Variants in PSG4 observed in about 807,000 individuals in gnomAD.
PSG4 encodes pregnancy-specific beta-1-glycoprotein 4.
In PSG4, 61 loss-of-function variants were observed where a neutral mutation model predicts 44.3. The observed-to-expected ratio is 1.38, with a 90% CI of 1.12 to 1.70. The LOEUF (loss-of-function observed/expected upper bound fraction) is 1.70. Ranked by LOEUF, PSG4 falls within the 40% of genes most tolerant of loss-of-function variation. The probability of loss-of-function intolerance (pLI) is 0.00; values close to 1 mark genes in which losing one functional copy is unlikely to be tolerated. For synonymous variants in PSG4, 248 were observed against 191.3 expected (o/e 1.30, Z -2.45); for missense variants, 677 against 511.7 (o/e 1.32, Z -3.12).
chr19:43,204,838 C>T lies in PSG4; in HGVS notation c.65-587G>A, dbSNP rs752617927. ...CCCTCTGGATGTTTCTTTTTCCCCC[C>T]AATTGTTGAGGTTTCTTGCTGAGGA... On this transcript the variant is annotated intron_variant, in intron 1 of 5. Transcript: ENST00000405312. The T allele has an allele frequency of 1.4e-5, 6 of 425,958 alleles. 2 individuals carry two copies. Among genetic ancestry groups the T allele is most frequent in the South Asian group, 1.0e-4 (6 of 58,522 alleles). The allele number at this position is 425,958 out of a possible 1,614,324, so 26.4% of individuals were successfully genotyped here.
chr19:43,204,912 T>C (rs769976622), intron 1 of PSG4: 1 of 351,872 alleles, frequency 2.8e-6, no homozygotes, highest in Non-Finnish European at 5.5e-6. Flanking sequence ...TCATCTGATA[T>C]AGTTATTGTT....
At chr19:43,193,439 A>T in intron 5 of PSG4, 51 bp from the exon 6 acceptor site, 2 of 765,156 alleles carry the variant, frequency 2.6e-6, no homozygotes, top group Non-Finnish European at 4.8e-6. Flanking sequence ...CTGCAATCTC[A>T]TAACCGGTGT....
intron 1 of PSG4, 168 bp from the exon 2 acceptor site, chr19:43,204,419 G>C: frequency 1.1e-6 from 1 of 940,738 alleles, no homozygotes; most frequent in Non-Finnish European, 1.5e-6. Flanking sequence ...GTGTCCTACT[G>C]TCCCACTAGG....
intron 3 of PSG4, among the ~76,000 whole-genome samples, chr19:43,197,291 A>G (rs1967292398): frequency 6.9e-6 from 1 of 145,512 alleles, no homozygotes; most frequent in Non-Finnish European, 1.5e-5. Context: ...CCTGATAGCT[A>G]GATAGACTTC....
Position 43,194,322 on chromosome 19 carries a change from A to G in PSG4, c.1243+18T>C. On this transcript the variant is annotated intron_variant, in intron 5 of 5. Transcript: ENST00000405312. ...TCCACCTAAATCCCTATTGCCAAGG[A>G]TGCTGGGATCCACTTACCAGAGACT... 1 of 1,612,104 alleles carries G rather than the reference A, an allele frequency of 6.2e-7. No homozygotes were observed. Among genetic ancestry groups the G allele is most frequent in the Non-Finnish European group, 8.5e-7 (1 of 1,179,006 alleles).
At chr19:43,193,601 A>G (rs535382766) in intron 5 of PSG4, 22 of 598,862 alleles carry the variant, frequency 3.7e-5, no homozygotes, top group South Asian at 2.9e-4. Flanking sequence ...AAGAGTAGCA[A>G]TAGACCATGT....
chr19:43,199,395 A>G (rs566447386), intron 2 of PSG4, among the ~76,000 whole-genome samples: 2 of 145,700 alleles, frequency 1.4e-5, no homozygotes, highest in East Asian at 4.7e-4. Flanking sequence ...GATCTCCTGT[A>G]CAGCTTCATG....
Position 43,205,130 on chromosome 19 carries a change from C to T in PSG4, c.64+343G>A, listed in dbSNP as rs1476572592. On this transcript the variant is annotated intron_variant, in intron 1 of 5. Transcript: ENST00000405312. The stretch of plus-strand genomic sequence containing the variant: ...TTTTTTCTTTTTTTTTTTTTTGAGA[C>T]GGAGTCTCGTCCTGTCACCCAGGCT... 6.8e-4 allele frequency among the ~76,000 whole-genome samples: 16 copies of T among 23,372 alleles called. 1 individual carries two copies. Among genetic ancestry groups the T allele is most frequent in the South Asian group, 1.7e-3 (1 of 594 alleles). The allele number at this position is 23,372 out of a possible 152,430, so 15.3% of individuals were successfully genotyped here.
Position 43,203,982 on chromosome 19 carries a change from C to A in PSG4, c.334G>T (p.Val112Phe). 1 of 1,587,982 alleles carries A rather than the reference C, an allele frequency of 6.3e-7. No individual in the cohort carries two copies. The highest frequency in any genetic ancestry group is 8.5e-7 in the Non-Finnish European group (1 of 1,171,738). ...YSNASLLIQN[V>F]TQEDAGSYTL... The stretch of plus-strand genomic sequence containing the variant: ...TAGGATCCTGCATCCTCCTGCGTGA[C>A]ATTCTGGATCAGCAGGGATGCATTG... Residue 112 changes from valine to phenylalanine, a missense_variant, in exon 2 of 6, where the codon GTC becomes TTC. Transcript: ENST00000405312.
At chr19:43,203,842 G>A (rs755317973) in intron 2 of PSG4, 44 bp downstream of exon 2, 1 of 1,567,052 alleles carries the variant, frequency 6.4e-7, no homozygotes, top group Non-Finnish European at 8.6e-7. Context: ...AAGTAGAAGT[G>A]ACCCCTGTCC....
chr19:43,192,878 C>G lies in PSG4; in HGVS notation c.*494G>C, dbSNP rs1599762746. The G allele has an allele frequency of 3.3e-6, 1 of 301,226 alleles. No homozygotes were observed. The highest frequency in any genetic ancestry group is 2.1e-5 in the African/African-American group (1 of 46,994). 18.7% of individuals were successfully genotyped at this position (301,226 alleles called of 1,614,324 possible). On this transcript the variant is annotated 3_prime_UTR_variant, in exon 6 of 6. Coordinates refer to ENST00000405312, the MANE Select transcript of PSG4 (RefSeq NM_002780.5). ...ACCATCTTCTCTGCAAACACACAGGCAATATCTCTGTGTTCATTTCTATTG... is the reference window on the plus strand; with the variant it reads ...ACCATCTTCTCTGCAAACACACAGGGAATATCTCTGTGTTCATTTCTATTG...
In PSG4 at chr19:43,205,487, C is replaced by G. The variant is rs755242696; in HGVS notation, c.50G>C (p.Gly17Ala). ...TCTCTCCTCACCTGTGAGCAGGACCCCCTTCCAGGTGATGCGCTGTGTGCA... is the reference window on the plus strand; with the variant it reads ...TCTCTCCTCACCTGTGAGCAGGACCGCCTTCCAGGTGATGCGCTGTGTGCA... ...PPCTQRITWK[G>A]VLLTASLLNF... The change falls in exon 1 of 6, where the codon GGG becomes GCG. Residue 17 changes from glycine to alanine, a missense_variant. Transcript: ENST00000405312. 6.8e-5 allele frequency: 106 copies of G among 1,551,128 alleles called. 8 individuals are homozygous for G. The highest frequency in any genetic ancestry group is 5.4e-4 in the Admixed American group (31 of 57,584).
In PSG4 at chr19:43,205,495, G is replaced by T. The variant is rs12985206; in HGVS notation, c.42C>A (p.Thr14=). ...LSAPPCTQRI[T]WKGVLLTASL... The stretch of plus-strand genomic sequence containing the variant: ...CACCTGTGAGCAGGACCCCCTTCCA[G>T]GTGATGCGCTGTGTGCAGGGAGGGG... Residue 14 remains threonine (T), a synonymous_variant, in exon 1 of 6, where the codon ACC becomes ACA. Coordinates refer to ENST00000405312, the MANE Select transcript of PSG4 (RefSeq NM_002780.5). 6.1e-5 allele frequency: 94 copies of T among 1,543,090 alleles called. 9 individuals are homozygous for T. The highest frequency in any genetic ancestry group is 5.3e-4 in the East Asian group (18 of 34,024).
intron 4 of PSG4, 95 bp downstream of exon 4, chr19:43,194,898 GTC>G (rs1289605279): frequency 6.4e-7 from 1 of 1,561,374 alleles, no homozygotes; most frequent in African/African-American, 1.4e-5. Context: ...AAGTAAAGGT[GTC>G]TATACTTGGA....
intron 2 of PSG4, among the ~76,000 whole-genome samples, chr19:43,202,678 G>A (rs2122360614): frequency 6.9e-6 from 1 of 144,522 alleles, no homozygotes; most frequent in South Asian, 2.2e-4. Flanking sequence ...TTCAAGTTCA[G>A]TGATGGGGGT....
intron 2 of PSG4, among the ~76,000 whole-genome samples, chr19:43,201,128 C>G (rs1215773228): frequency 4.1e-5 from 6 of 145,712 alleles, no homozygotes; most frequent in Non-Finnish European, 8.9e-5. Flanking sequence ...TGACAGCAAA[C>G]TAGCATGTCT....
At chr19:43,200,544 C>T (rs1568387921) in intron 2 of PSG4, among the ~76,000 whole-genome samples, 1 of 141,728 alleles carries the variant, frequency 7.1e-6, no homozygotes. Context: ...GTGCAGTCTA[C>T]CAGTAAGCAT....
intron 5 of PSG4, chr19:43,193,818 T>A (rs746536626): frequency 2.0e-5 from 11 of 557,820 alleles, no homozygotes; most frequent in Middle Eastern, 4.9e-4. Context: ...AAATGTGTCC[T>A]GTTACAAAGA....
At chr19:43,200,619 A>C (rs1217698349) in intron 2 of PSG4, among the ~76,000 whole-genome samples, 2 of 144,634 alleles carry the variant, frequency 1.4e-5, no homozygotes, top group African/African-American at 5.3e-5. Flanking sequence ...TCTGTTGCCC[A>C]GGCTGGAGTG....
Sources: allele counts gnomAD v4.1 joint callset (sites outside exome capture counted in the v4.1 genomes callset), GRCh38; gene constraint gnomAD v4.1.1; transcripts MANE v1.5; gene names NCBI Gene and HGNC (gene_info 2026-07-23, HGNC 2026-07-21).